PLA2G4D: variants seen among roughly 807,000 people sequenced by gnomAD.
The protein encoded by PLA2G4D is phospholipase A2 group IVD.
A neutral mutation model predicts 94.4 loss-of-function variants in PLA2G4D; 80 were observed. The ratio of observed to expected loss-of-function variants is 0.85; its 90% CI spans 0.71 to 1.02. The LOEUF is 1.02. PLA2G4D is among the 50% of genes least tolerant of loss of function. The probability of loss-of-function intolerance (pLI) is 0.00; values close to 1 mark genes in which losing one functional copy is unlikely to be tolerated. For synonymous variants in PLA2G4D, 438 were observed against 440.9 expected (o/e 0.99, Z 0.08); for missense variants, 1,050 against 1,034.7 (o/e 1.01, Z -0.20).
At chr15:42,083,360 A>G in intron 7 of PLA2G4D, 26 bp from the exon 8 acceptor site, 9 of 1,603,246 alleles carry the variant, frequency 5.6e-6, no homozygotes, top group Non-Finnish European at 7.7e-6. Context: ...GCGGGTTAGC[A>G]TGAGAACAAG....
At chr15:42,083,124 G>A in intron 8 of PLA2G4D, 74 bp downstream of exon 8, 2 of 1,548,102 alleles carry the variant, frequency 1.3e-6, no homozygotes, top group South Asian at 1.2e-5. Flanking sequence ...GGGCAGGGAA[G>A]GCAGGGAGGG....
chr15:42,077,478 A>C (rs552654522), intron 13 of PLA2G4D, among the ~76,000 whole-genome samples: 3 of 152,372 alleles, frequency 2.0e-5, no homozygotes, highest in African/African-American at 7.2e-5. Flanking sequence ...TATAGTTGGG[A>C]TCAGTGCCCT....
intron 19 of PLA2G4D, 42 bp downstream of exon 19, chr15:42,069,867 G>T: frequency 7.3e-7 from 1 of 1,366,188 alleles, no homozygotes; most frequent in Non-Finnish European, 9.5e-7. Flanking sequence ...GCAGGCCTCT[G>T]AGGGGCCAGG....
chr15:42,082,461 T>C (rs1890057300), intron 8 of PLA2G4D, 72 bp from the exon 9 acceptor site: 1 of 1,042,150 alleles, frequency 9.6e-7, no homozygotes, highest in Non-Finnish European at 1.5e-6. Flanking sequence ...TAGACTACAA[T>C]CCAGACAGAC....
rs753178231 is a variant in PLA2G4D at position 42,070,098 on chromosome 15, G to C, written c.2044-3C>G. On this transcript the variant is annotated splice_polypyrimidine_tract_variant and splice_region_variant and intron_variant, in intron 18 of 19. Coordinates refer to ENST00000290472, the MANE Select transcript of PLA2G4D (RefSeq NM_178034.4). ...TACAGCTCCGTCTGCTGCAGTGCCT[G>C]GTGGGGAGAAGGTGGCCCGGAGAGA... 8.0e-6 allele frequency: 12 copies of C among 1,502,936 alleles called. No homozygotes were observed. Among genetic ancestry groups the C allele is most frequent in the Non-Finnish European group, 9.7e-6 (11 of 1,129,080 alleles). The allele number at this position is 1,502,936 out of a possible 1,614,324, so 93.1% of individuals were successfully genotyped here.
intron 13 of PLA2G4D, among the ~76,000 whole-genome samples, chr15:42,078,630 ATT>A (rs1190606484): frequency 6.6e-6 from 1 of 152,204 alleles, no homozygotes; most frequent in African/African-American, 2.4e-5. Flanking sequence ...CACGATAATC[ATT>A]CTTTTCAAAT....
At position 42,079,669 on chromosome 15, in the gene PLA2G4D, G is replaced by A; in HGVS notation, c.1185C>T (p.Ser395=). 6.2e-7 allele frequency: 1 copy of A among 1,613,002 alleles called. No homozygotes were observed. The highest frequency in any genetic ancestry group is 2.2e-5 in the East Asian group (1 of 44,780). Reference sequence around the variant, plus strand: ...GCTCTGGGGAAAAGACCTCCAGCTTGCTCTTGGCCAGGTGCTCCCGGGCGT... The same window carrying A: ...GCTCTGGGGAAAAGACCTCCAGCTTACTCTTGGCCAGGTGCTCCCGGGCGT... ...IRYAREHLAK[S]KLEVFSPERL... The change falls in exon 13 of 20, where the codon AGC becomes AGT. Residue 395 remains serine (S), a synonymous_variant. Coordinates refer to ENST00000290472, the MANE Select transcript of PLA2G4D (RefSeq NM_178034.4).
In PLA2G4D at chr15:42,094,493, C is replaced by T. The variant is rs371943475; in HGVS notation, c.-34G>A. ...TTCCAGCTTCACTCCAGGCCCAGCC[C>T]TTGCCAAGATGCTGGCTCTCTGGCT... On this transcript the variant is annotated 5_prime_UTR_variant, in exon 1 of 20. Coordinates refer to ENST00000290472, the MANE Select transcript of PLA2G4D (RefSeq NM_178034.4). 18 of 1,613,740 alleles carry T rather than the reference C, an allele frequency of 1.1e-5. No individual in the cohort carries two copies. The Middle Eastern group carries it at 4.9e-4, about 44-fold the overall frequency.
At position 42,089,037 on chromosome 15, in the gene PLA2G4D, C is replaced by T. The variant is rs190575154; in HGVS notation, c.46-1337G>A. Among the ~76,000 whole-genome samples, 7 of 152,370 alleles carry T rather than the reference C, an allele frequency of 4.6e-5. No individual in the cohort carries two copies. The East Asian group carries it at 1.2e-3, about 25-fold the overall frequency. ...TCAGCGGCTCTGCCACCAGGTTAGA[C>T]TCCCCATTAAGTAAGTACGATCTTC... On this transcript the variant is annotated intron_variant, in intron 1 of 19. Coordinates refer to ENST00000290472, the MANE Select transcript of PLA2G4D (RefSeq NM_178034.4).
chr15:42,079,488 G>A, intron 13 of PLA2G4D, 49 bp downstream of exon 13: 4 of 1,519,906 alleles, frequency 2.6e-6, no homozygotes, highest in South Asian at 1.2e-5. Flanking sequence ...CCCTGCCTTC[G>A]CCCCCGCGGT....
At chr15:42,086,187 G>T in intron 4 of PLA2G4D, 26 bp downstream of exon 4, 1 of 1,445,034 alleles carries the variant, frequency 6.9e-7, no homozygotes, top group Non-Finnish European at 9.3e-7. Context: ...TGGGGCCCAC[G>T]GGGACTTCCC....
chr15:42,071,632 G>GC, intron 15 of PLA2G4D, 81 bp from the exon 16 acceptor site: 1 of 1,500,432 alleles, frequency 6.7e-7, no homozygotes, highest in Non-Finnish European at 9.2e-7. Flanking sequence ...TGGGAGTGGG[G>GC]CGAGGGCTAC....
intron 18 of PLA2G4D, 193 bp from the exon 19 acceptor site, chr15:42,070,288 GT>G (rs755957833): frequency 1.2e-5 from 7 of 578,692 alleles, no homozygotes; most frequent in Non-Finnish European, 1.7e-5. Context: ...CTGCAATGTT[GT>G]TTGGTTAAAA....
At chr15:42,089,453 C>T (rs1389269474) in intron 1 of PLA2G4D, among the ~76,000 whole-genome samples, 1 of 152,194 alleles carries the variant, frequency 6.6e-6, no homozygotes, top group Non-Finnish European at 1.5e-5. Flanking sequence ...CAGGCAGCTT[C>T]CCAGCAGAGC....
Position 42,067,356 on chromosome 15 carries a change from T to C in PLA2G4D, c.*1359A>G, listed in dbSNP as rs1438747466. The C allele has an allele frequency of 6.6e-6, 1 of 152,176 alleles. No homozygotes were observed. The highest frequency in any genetic ancestry group is 6.6e-5 in the Admixed American group (1 of 15,266). The allele number at this position is 152,176 out of a possible 1,614,324, so 9.4% of individuals were successfully genotyped here. ...TTCAAGACCAGCCTGGGCAACATGG[T>C]GAGACCTCATCTCTACAAAAAACCA... On this transcript the variant is annotated 3_prime_UTR_variant, in exon 20 of 20. Coordinates refer to ENST00000290472, the MANE Select transcript of PLA2G4D (RefSeq NM_178034.4).
At chr15:42,087,226 G>A in intron 3 of PLA2G4D, 74 bp downstream of exon 3, 1 of 1,587,556 alleles carries the variant, frequency 6.3e-7, no homozygotes, top group Non-Finnish European at 8.6e-7. Context: ...GAGGAAGCAT[G>A]CTCTACCCCA....
intron 1 of PLA2G4D, 87 bp from the exon 2 acceptor site, chr15:42,087,787 C>T: frequency 7.3e-7 from 1 of 1,373,498 alleles, no homozygotes; most frequent in South Asian, 1.3e-5. Flanking sequence ...CACCCCTCAC[C>T]ACTCTCCTGG....
chr15:42,069,976 G>A lies in PLA2G4D; in HGVS notation c.2163C>T (p.Cys721=), dbSNP rs1889769732. ...RECHLFSDPA[C]PEAPILLHFP... is the part of the protein sequence containing the mutation. ...AGTGCAGCAGGATCGGGGCCTCGGGGCAGGCGGGGTCTGAGAAGAGGTGGC... is the reference window on the plus strand; with the variant it reads ...AGTGCAGCAGGATCGGGGCCTCGGGACAGGCGGGGTCTGAGAAGAGGTGGC... The change falls in exon 19 of 20, where the codon TGC becomes TGT. Residue 721 remains cysteine (C), a synonymous_variant. Coordinates refer to ENST00000290472, the MANE Select transcript of PLA2G4D (RefSeq NM_178034.4). 1.4e-6 allele frequency: 2 copies of A among 1,477,192 alleles called. No individual in the cohort carries two copies. Among genetic ancestry groups the A allele is most frequent in the Admixed American group, 2.8e-5 (1 of 35,390 alleles). The allele number at this position is 1,477,192 out of a possible 1,614,324, so 91.5% of individuals were successfully genotyped here.
Position 42,072,309 on chromosome 15 carries a change from G to A in PLA2G4D, c.1401C>T (p.Val467=). 6.2e-7 allele frequency: 1 copy of A among 1,613,936 alleles called. No individual in the cohort carries two copies. The highest frequency in any genetic ancestry group is 8.5e-7 in the Non-Finnish European group (1 of 1,179,966). Residue 467 remains valine, a synonymous_variant, in exon 14 of 20, where the codon GTC becomes GTT. Transcript: ENST00000290472. ...NPLPLYLSLN[V]KENNLETLDF... ...CCAGTGTCTCCAGATTGTTCTCTTT[G>A]ACATTGAGGCTCAAGTAGAGGGGCA... is the stretch of plus-strand genomic sequence containing the variant.
Sources: gnomAD v4.1 joint callset for allele counts (sites outside exome capture counted in the v4.1 genomes callset) on GRCh38, gnomAD v4.1.1 for gene constraint, MANE v1.5 for transcripts, NCBI Gene and HGNC (gene_info 2026-07-23, HGNC 2026-07-21) for gene names.